The following MAPRE2 variants were observed in gnomAD, a reference collection of about 807,000 sequenced individuals.
MAPRE2 encodes the protein microtubule-associated protein RP/EB family member 2.
A neutral mutation model predicts 43.2 loss-of-function variants in MAPRE2; 13 were observed. That is an observed-to-expected ratio of 0.30 (90% CI 0.20 to 0.48). The LOEUF (loss-of-function observed/expected upper bound fraction) is 0.48, where lower values mean the gene tolerates loss of function less well. Ranked by LOEUF, MAPRE2 falls within the 20% of genes least tolerant of loss-of-function variation. The pLI is 0.99. For missense variants in MAPRE2, 161 were observed against 400.2 expected (o/e 0.40, Z 5.10); for synonymous variants, 135 against 148.8 (o/e 0.91, Z 0.68).
In MAPRE2 at chr18:35,064,000, TAAA is replaced by T. The variant is rs575347953; in HGVS notation, c.123-6164_123-6162del. 7.3e-3 allele frequency among the ~76,000 whole-genome samples: 246 copies of T among 33,930 alleles called. 2 individuals carry two copies. The highest frequency in any genetic ancestry group is 0.021 in the African/African-American group (175 of 8,354). 22.3% of individuals were successfully genotyped at this position (33,930 alleles called of 152,430 possible). On this transcript the variant is annotated intron_variant, in intron 1 of 6. Transcript: ENST00000300249. ...ACTGCCGAGTGAGACCCTGTCTCTT[TAAA>T]AAAAAAAAAAAAAAAAAAAAAAAAA... is the stretch of plus-strand genomic sequence containing the variant.
At chr18:35,000,248 G>A (rs1383958411) in intron 1 of MAPRE2, among the ~76,000 whole-genome samples, 1 of 152,160 alleles carries the variant, frequency 6.6e-6, no homozygotes, top group African/African-American at 2.4e-5. Context: ...GAAAAGCTGT[G>A]AACAGCTGGG....
chr18:35,134,665 C>T (rs974386552), intron 6 of MAPRE2, among the ~76,000 whole-genome samples: 7 of 152,206 alleles, frequency 4.6e-5, no homozygotes, highest in Non-Finnish European at 1.0e-4. Flanking sequence ...CAGTTGAACA[C>T]GCCCTGTGTG....
chr18:35,012,537 A>G (rs1245067254), intron 2 of MAPRE2, among the ~76,000 whole-genome samples: 1 of 152,242 alleles, frequency 6.6e-6, no homozygotes, highest in Non-Finnish European at 1.5e-5. Flanking sequence ...AAAATCTGGT[A>G]TATACATACA....
At chr18:35,016,904 C>T (rs960751251) in intron 2 of MAPRE2, among the ~76,000 whole-genome samples, 8 of 151,826 alleles carry the variant, frequency 5.3e-5, no homozygotes, top group Admixed American at 1.3e-4. Context: ...ATGGTGTTTC[C>T]TAGTTTTTTT....
chr18:35,050,348 TG>T (rs1451508950), intron 1 of MAPRE2, among the ~76,000 whole-genome samples: 5 of 152,354 alleles, frequency 3.3e-5, no homozygotes, highest in Non-Finnish European at 5.9e-5. Context: ...AGTAAAGATT[TG>T]CCTAATGCAA....
intron 2 of MAPRE2, among the ~76,000 whole-genome samples, chr18:35,028,849 A>C (rs1335118529): frequency 6.6e-6 from 1 of 152,262 alleles, no homozygotes; most frequent in Non-Finnish European, 1.5e-5. Flanking sequence ...GCGTGAAGAC[A>C]GGCTGTGTAG....
At chr18:35,018,514 G>C (rs543830165) in intron 2 of MAPRE2, among the ~76,000 whole-genome samples, 1 of 151,198 alleles carries the variant, frequency 6.6e-6, no homozygotes, top group South Asian at 2.1e-4. Flanking sequence ...CTTGATATTG[G>C]TCTGCTCAGG....
Position 35,114,347 on chromosome 18 carries a change from AT to A in MAPRE2, c.610+12197del, listed in dbSNP as rs994679099. On this transcript the variant is annotated intron_variant, in intron 4 of 6. Transcript: ENST00000300249. ...ACATATGCTGTTGTATTGCGATGACATTTTTTTTTATCGTGATTTTTCAAAA... is the reference window on the plus strand; with the variant it reads ...ACATATGCTGTTGTATTGCGATGACATTTTTTTTATCGTGATTTTTCAAAA... Among the ~76,000 whole-genome samples the A allele has an allele frequency of 8.0e-4, 121 of 151,568 alleles. 1 individual carries two copies. Among genetic ancestry groups the A allele is most frequent in the East Asian group, 3.9e-4 (2 of 5,150 alleles).
chr18:35,077,615 T>G (rs1470243186), intron 2 of MAPRE2, among the ~76,000 whole-genome samples: 1 of 152,204 alleles, frequency 6.6e-6, no homozygotes, highest in Admixed American at 6.5e-5. Flanking sequence ...GCCTCATCAT[T>G]GATTTCATTA....
intron 1 of MAPRE2, among the ~76,000 whole-genome samples, chr18:35,001,588 T>C (rs1157632182): frequency 2.6e-5 from 4 of 151,718 alleles, no homozygotes; most frequent in African/African-American, 9.7e-5. Context: ...AATATGTGTA[T>C]GGTGAATTTT....
At chr18:35,002,311 A>G (rs2097029754) in intron 1 of MAPRE2, among the ~76,000 whole-genome samples, 1 of 152,176 alleles carries the variant, frequency 6.6e-6, no homozygotes, top group South Asian at 2.1e-4. Context: ...TGAAGTTTGG[A>G]TGCAGCACGG....
At chr18:35,111,630 CATTCAAGGGGAT>C (rs1909179703) in intron 4 of MAPRE2, among the ~76,000 whole-genome samples, 1 of 152,220 alleles carries the variant, frequency 6.6e-6, no homozygotes, top group Non-Finnish European at 1.5e-5. Context: ...AGTTAACTCC[CATTCAAGGGGAT>C]CTTCAAGGGG....
At chr18:35,084,273 C>CA (rs995871168) in intron 2 of MAPRE2, among the ~76,000 whole-genome samples, 24 of 149,666 alleles carry the variant, frequency 1.6e-4, no homozygotes, top group Middle Eastern at 3.4e-3. Context: ...GACTCCATCT[C>CA]AAAAAAAAAT....
chr18:35,142,240 T>C lies in MAPRE2; in HGVS notation c.*1871T>C, dbSNP rs945668284. 3 of 152,256 alleles carry C rather than the reference T, an allele frequency of 2.0e-5. No individual in the cohort carries two copies. The highest frequency in any genetic ancestry group is 4.4e-5 in the Non-Finnish European group (3 of 68,080). The allele number at this position is 152,256 out of a possible 1,614,324, so 9.4% of individuals were successfully genotyped here. On this transcript the variant is annotated 3_prime_UTR_variant, in exon 7 of 7. Coordinates refer to ENST00000300249, the MANE Select transcript of MAPRE2 (RefSeq NM_014268.4). Reference sequence around the variant, plus strand: ...GCCCTTCTGAGCCTGTTGTACTCACTGATCTCTTTAAAAACAAAAAATAGC... The same window carrying C: ...GCCCTTCTGAGCCTGTTGTACTCACCGATCTCTTTAAAAACAAAAAATAGC...
chr18:35,094,572 A>G (rs1276458710), intron 2 of MAPRE2, among the ~76,000 whole-genome samples: 1 of 152,240 alleles, frequency 6.6e-6, no homozygotes, highest in Non-Finnish European at 1.5e-5. Flanking sequence ...GTGATGTTCA[A>G]CACCTAGCTA....
At position 35,141,910 on chromosome 18, in the gene MAPRE2, C is replaced by T. The variant is rs1429767124; in HGVS notation, c.*1541C>T. ...ATGAAATATGAATTCTAAATTCTAG[C>T]ATTGAAGCTTTTCACCAAAAGAAGT... is the stretch of plus-strand genomic sequence containing the variant. On this transcript the variant is annotated 3_prime_UTR_variant, in exon 7 of 7. Coordinates refer to ENST00000300249, the MANE Select transcript of MAPRE2 (RefSeq NM_014268.4). 2 of 152,090 alleles carry T rather than the reference C, an allele frequency of 1.3e-5. No homozygotes were observed. The highest frequency in any genetic ancestry group is 2.9e-5 in the Non-Finnish European group (2 of 68,030). The allele number at this position is 152,090 out of a possible 1,614,324, so 9.4% of individuals were successfully genotyped here. A position where few individuals can be genotyped will look rare whatever the true frequency, so the allele number is the denominator to read the frequency against.
intron 6 of MAPRE2, among the ~76,000 whole-genome samples, chr18:35,133,390 A>G (rs1207273507): frequency 6.6e-6 from 1 of 152,068 alleles, no homozygotes; most frequent in African/African-American, 2.4e-5. Context: ...GTATTTTCAG[A>G]TCTGATGGAA....
upstream of MAPRE2, chr18:35,041,358 A>T (rs568711953): frequency 2.1e-6 from 3 of 1,447,556 alleles, no homozygotes; most frequent in African/African-American, 1.4e-5. Flanking sequence ...CGGCGCTCTG[A>T]CGTCAGCTGC....
intron 2 of MAPRE2, among the ~76,000 whole-genome samples, chr18:35,075,681 T>C (rs550959980): frequency 6.6e-6 from 1 of 152,310 alleles, no homozygotes; most frequent in Non-Finnish European, 1.5e-5. Flanking sequence ...TTTTTTTCTC[T>C]AATTATTTGA....
Sources: allele counts gnomAD v4.1 joint callset (sites outside exome capture counted in the v4.1 genomes callset), GRCh38; gene constraint gnomAD v4.1.1; transcripts MANE v1.5; gene names NCBI Gene and HGNC (gene_info 2026-07-23, HGNC 2026-07-21).